NPAS3: variants seen among roughly 807,000 people sequenced by gnomAD.
NPAS3 encodes the protein neuronal PAS domain protein 3.
Under a neutral mutation model 73.1 loss-of-function variants are expected in NPAS3, and 14 were observed. The ratio of observed to expected loss-of-function variants is 0.19; its 90% CI spans 0.13 to 0.30. The LOEUF (loss-of-function observed/expected upper bound fraction) is 0.30, where lower values mean the gene tolerates loss of function less well. NPAS3 is among the 10% of genes least tolerant of loss of function. The probability of loss-of-function intolerance (pLI) is 1.00; values close to 1 mark genes in which losing one functional copy is unlikely to be tolerated. For synonymous variants in NPAS3, 620 were observed against 541.5 expected (o/e 1.14, Z -2.01); for missense variants, 1,096 against 1,250.0 (o/e 0.88, Z 1.86).
At chr14:33,111,761 G>T (rs538007635) in intron 2 of NPAS3, among the ~76,000 whole-genome samples, 12 of 150,960 alleles carry the variant, frequency 7.9e-5, no homozygotes, top group Admixed American at 6.6e-4. Context: ...TGTTGCACCC[G>T]TTAACTCATC....
rs867767746 is a variant in NPAS3 at position 32,998,173 on chromosome 14, G to A, written c.51-57732G>A. 2.7e-4 allele frequency among the ~76,000 whole-genome samples: 41 copies of A among 152,292 alleles called. 1 individual carries two copies. Among genetic ancestry groups the A allele is most frequent in the Middle Eastern group, 3.4e-3 (1 of 294 alleles). ...TAGAAAAAGAAATTGTGTTATAAAT[G>A]TACACTGGAATATTATTCAGCAATA... On this transcript the variant is annotated intron_variant, in intron 1 of 11. Transcript: ENST00000356141.
rs532822374 is a variant in NPAS3, at chr14:33,753,097, G to A, written c.852+17765G>A. 1.6e-4 allele frequency among the ~76,000 whole-genome samples: 24 copies of A among 152,194 alleles called. No individual in the cohort carries two copies. In the East Asian group the frequency reaches 1.9e-3, roughly 12 times the overall value. On this transcript the variant is annotated intron_variant, in intron 7 of 11. Transcript: ENST00000356141. ...AAAGAACAGTTCATTAGTGTGCTTC[G>A]AGAAGTGTTAAAACACTTTTACAAA...
intron 3 of NPAS3, among the ~76,000 whole-genome samples, chr14:33,233,773 G>T (rs916621438): frequency 6.6e-6 from 1 of 152,042 alleles, no homozygotes; most frequent in Non-Finnish European, 1.5e-5. Context: ...CTCAGTATTC[G>T]TACTTGAGGA....
intron 4 of NPAS3, among the ~76,000 whole-genome samples, chr14:33,418,304 CT>C (rs1191327356): frequency 2.0e-5 from 3 of 151,886 alleles, no homozygotes; most frequent in Non-Finnish European, 4.4e-5. Context: ...GGCTGAACAG[CT>C]TTTCACCCGG....
chr14:33,160,094 A>T (rs1379321857), intron 2 of NPAS3, among the ~76,000 whole-genome samples: 1 of 152,206 alleles, frequency 6.6e-6, no homozygotes, highest in Non-Finnish European at 1.5e-5. Context: ...AGGATAACAT[A>T]TCTTACATAT....
At chr14:33,445,783 ATGAACTTC>A (rs1486260556) in intron 4 of NPAS3, among the ~76,000 whole-genome samples, 1 of 152,176 alleles carries the variant, frequency 6.6e-6, no homozygotes, top group Non-Finnish European at 1.5e-5. Flanking sequence ...TTAAGCAAGA[ATGAACTTC>A]TTGGTTACCC....
intron 1 of NPAS3, among the ~76,000 whole-genome samples, chr14:33,034,236 T>C (rs2040089651): frequency 6.6e-6 from 1 of 152,030 alleles, no homozygotes; most frequent in South Asian, 2.1e-4. Flanking sequence ...AATTACAATA[T>C]GTTTCTAAAG....
chr14:33,367,961 CT>C (rs1251411270), intron 4 of NPAS3, among the ~76,000 whole-genome samples: 2 of 152,086 alleles, frequency 1.3e-5, no homozygotes, highest in Non-Finnish European at 2.9e-5. Flanking sequence ...CGATTCAACA[CT>C]TCTGCCTTCA....
At chr14:33,352,853 T>C (rs1485727491) in intron 3 of NPAS3, among the ~76,000 whole-genome samples, 1 of 152,150 alleles carries the variant, frequency 6.6e-6, no homozygotes, top group African/African-American at 2.4e-5. Flanking sequence ...GGGTAAAAAT[T>C]TGAAGAAAAT....
intron 5 of NPAS3, among the ~76,000 whole-genome samples, chr14:33,671,152 T>C (rs1045884670): frequency 6.6e-6 from 1 of 152,174 alleles, no homozygotes; most frequent in Non-Finnish European, 1.5e-5. Context: ...CTACTCCTCA[T>C]CTGCACCAAA....
At chr14:33,689,696 T>A (rs746989214) in intron 6 of NPAS3, among the ~76,000 whole-genome samples, 2 of 152,210 alleles carry the variant, frequency 1.3e-5, no homozygotes, top group Non-Finnish European at 2.9e-5. Flanking sequence ...TGGAAACTGA[T>A]AATTTACCTC....
chr14:33,316,228 G>A (rs1415653727), intron 3 of NPAS3, among the ~76,000 whole-genome samples: 1 of 152,040 alleles, frequency 6.6e-6, no homozygotes, highest in Non-Finnish European at 1.5e-5. Flanking sequence ...GCAGTTCAAA[G>A]TTTGCATAAC....
At chr14:33,749,898 G>T (rs2061909742) in intron 7 of NPAS3, among the ~76,000 whole-genome samples, 1 of 152,158 alleles carries the variant, frequency 6.6e-6, no homozygotes, top group Non-Finnish European at 1.5e-5. Flanking sequence ...CCACACAGTG[G>T]TCCTCTTCTT....
chr14:33,533,746 C>G (rs2054138346), intron 4 of NPAS3, among the ~76,000 whole-genome samples: 1 of 152,040 alleles, frequency 6.6e-6, no homozygotes, highest in East Asian at 1.9e-4. Flanking sequence ...AAGAAAATCA[C>G]ACCTGTATGT....
intron 6 of NPAS3, among the ~76,000 whole-genome samples, chr14:33,678,968 T>C (rs991388735): frequency 2.6e-5 from 4 of 152,176 alleles, no homozygotes; most frequent in Non-Finnish European, 5.9e-5. Context: ...TAGGAGAATA[T>C]ATATCTCCTT....
At chr14:33,570,161 A>T (rs1479153521) in intron 5 of NPAS3, among the ~76,000 whole-genome samples, 1 of 152,238 alleles carries the variant, frequency 6.6e-6, no homozygotes, top group Non-Finnish European at 1.5e-5. Context: ...ATTCAGAGGC[A>T]TTCCATTTTA....
intron 7 of NPAS3, among the ~76,000 whole-genome samples, chr14:33,755,551 T>G (rs780319512): frequency 6.6e-6 from 1 of 152,124 alleles, no homozygotes; most frequent in Non-Finnish European, 1.5e-5. Flanking sequence ...TGGCTATGAA[T>G]CATGGCTGAT....
intron 2 of NPAS3, among the ~76,000 whole-genome samples, chr14:33,129,416 T>C (rs1444699646): frequency 6.6e-6 from 1 of 152,178 alleles, no homozygotes; most frequent in Non-Finnish European, 1.5e-5. Context: ...GGTGGTTTTC[T>C]GAATTAAAGA....
chr14:33,582,812 T>C (rs1490566951), intron 5 of NPAS3, among the ~76,000 whole-genome samples: 1 of 152,148 alleles, frequency 6.6e-6, no homozygotes, highest in African/African-American at 2.4e-5. Flanking sequence ...AATCCCTGTC[T>C]TAAATCAGAA....
Sources: allele counts gnomAD v4.1 joint callset (sites outside exome capture counted in the v4.1 genomes callset), GRCh38; gene constraint gnomAD v4.1.1; transcripts MANE v1.5; gene names NCBI Gene and HGNC (gene_info 2026-07-23, HGNC 2026-07-21).